NAMPT: variants seen among roughly 807,000 people sequenced by gnomAD.
The protein encoded by NAMPT is NAmPRTase.
A neutral mutation model predicts 58.7 loss-of-function variants in NAMPT; 7 were observed. That is an observed-to-expected ratio of 0.12 (90% confidence interval 0.07 to 0.22). The LOEUF (loss-of-function observed/expected upper bound fraction) is 0.22. Ranked by LOEUF, NAMPT falls within the 10% of genes least tolerant of loss-of-function variation. NAMPT has a pLI of 1.00. For missense variants in NAMPT, 271 were observed against 567.9 expected, an observed-to-expected ratio of 0.48 and a Z score of 5.31; for synonymous variants, 145 against 198.1, an observed-to-expected ratio of 0.73 and a Z score of 2.25.
chr7:106,260,842 A>T (rs752435947), intron 8 of NAMPT, among the ~76,000 whole-genome samples: 1 of 152,240 alleles, frequency 6.6e-6, no homozygotes, highest in African/African-American at 2.4e-5. Context: ...GTATTTATCA[A>T]TTAAGTTCAC....
chr7:106,256,655 A>G (rs1355958868), intron 8 of NAMPT, among the ~76,000 whole-genome samples: 1 of 152,224 alleles, frequency 6.6e-6, no homozygotes, highest in Non-Finnish European at 1.5e-5. Flanking sequence ...TTACTATAAA[A>G]TAGGTTTTGT....
At chr7:106,251,532 G>A (rs905249560) in intron 10 of NAMPT, among the ~76,000 whole-genome samples, 1 of 151,988 alleles carries the variant, frequency 6.6e-6, no homozygotes, top group East Asian at 1.9e-4. Flanking sequence ...TGCCTAGGGA[G>A]AACTGTAATC....
At chr7:106,271,966 A>T (rs1338418297) in intron 4 of NAMPT, 1 of 219,752 alleles carries the variant, frequency 4.6e-6, no homozygotes, top group African/African-American at 2.4e-5. Context: ...TACATACAAG[A>T]AAAACAAAAA....
rs1294875803 is a variant in NAMPT, at chr7:106,249,873, A to C, written c.*1210T>G. On this transcript the variant is annotated 3_prime_UTR_variant, in exon 11 of 11. Transcript: ENST00000222553. ...ATGTATGATTCAGAATCTAGTAGCT[A>C]ATCACTCTAGAACATTTTGATGTCA... The C allele has an allele frequency of 2.0e-5, 3 of 152,048 alleles. No homozygotes were observed. Among genetic ancestry groups the C allele is most frequent in the African/African-American group, 7.2e-5 (3 of 41,424 alleles). The allele number at this position is 152,048 out of a possible 1,614,324, so 9.4% of individuals were successfully genotyped here.
At chr7:106,276,318 T>C in intron 2 of NAMPT, 1 of 152,128 alleles carries the variant, frequency 6.6e-6, no homozygotes. Context: ...AGCACAGAAA[T>C]TGGGGGATTT....
chr7:106,272,894 G>A (rs1356666320), intron 3 of NAMPT, among the ~76,000 whole-genome samples: 1 of 152,108 alleles, frequency 6.6e-6, no homozygotes, highest in Non-Finnish European at 1.5e-5. Context: ...ACGTGCTTCT[G>A]CTAAGAACAT....
chr7:106,280,757 T>C (rs1424234797), intron 1 of NAMPT, among the ~76,000 whole-genome samples: 2 of 151,886 alleles, frequency 1.3e-5, no homozygotes, highest in South Asian at 2.1e-4. Context: ...CTGGCTAACA[T>C]GGTGAAACCC....
chr7:106,257,569 T>C (rs1488789728), intron 8 of NAMPT, among the ~76,000 whole-genome samples: 1 of 150,818 alleles, frequency 6.6e-6, no homozygotes. Flanking sequence ...AGGTTGAGGC[T>C]GCAGTGAGCT....
At chr7:106,274,480 A>G (rs1337195509) in intron 3 of NAMPT, among the ~76,000 whole-genome samples, 1 of 152,178 alleles carries the variant, frequency 6.6e-6, no homozygotes, top group Non-Finnish European at 1.5e-5. Flanking sequence ...ATAACTTTTC[A>G]AAAGGATATA....
chr7:106,283,463 TTTTAGA>T (rs1792803741), intron 1 of NAMPT, among the ~76,000 whole-genome samples: 1 of 152,194 alleles, frequency 6.6e-6, no homozygotes, highest in African/African-American at 2.4e-5. Flanking sequence ...CTGACAGTTA[TTTTAGA>T]TTTAGTTAAG....
intron 3 of NAMPT, 116 bp downstream of exon 3, chr7:106,274,830 G>A: frequency 1.5e-6 from 1 of 659,292 alleles, no homozygotes; most frequent in Admixed American, 2.7e-5. Flanking sequence ...ACTCCAGCCT[G>A]GGTGACAGAG....
chr7:106,278,976 T>G (rs1049156034), intron 1 of NAMPT, among the ~76,000 whole-genome samples: 1 of 152,192 alleles, frequency 6.6e-6, no homozygotes, highest in African/African-American at 2.4e-5. Flanking sequence ...AGGCAAGTTA[T>G]TTTCTTTTTC....
Position 106,253,079 on chromosome 7 carries a change from T to A in NAMPT, c.1303A>T (p.Thr435Ser). The change falls in exon 10 of 11, where the codon ACG becomes TCG. Residue 435 changes from threonine to serine, a missense_variant. Coordinates refer to ENST00000222553, the MANE Select transcript of NAMPT (RefSeq NM_005746.3). Reference sequence around the variant, plus strand: ...AGTGTAACAAAATTCCCTGCTGGCGTCCTATGTAAAGATAATCGGCCCTTT... The same window carrying A: ...AGTGTAACAAAATTCCCTGCTGGCGACCTATGTAAAGATAATCGGCCCTTT... ...SKKGRLSLHR[T>S]PAGNFVTLEE... The A allele has an allele frequency of 6.2e-7, 1 of 1,613,438 alleles. No homozygotes were observed. Among genetic ancestry groups the A allele is most frequent in the Non-Finnish European group, 8.5e-7 (1 of 1,179,538 alleles).
intron 2 of NAMPT, 129 bp from the exon 3 acceptor site, chr7:106,275,178 A>G (rs1241778218): frequency 3.7e-6 from 2 of 538,836 alleles, no homozygotes; most frequent in African/African-American, 1.9e-5. Context: ...AAGAGGTTAA[A>G]TGCTCACCCA....
chr7:106,260,785 G>C (rs1162749830), intron 8 of NAMPT, among the ~76,000 whole-genome samples: 1 of 152,166 alleles, frequency 6.6e-6, no homozygotes, highest in Non-Finnish European at 1.5e-5. Context: ...CTTGAAGTGA[G>C]CAGAGAAAGG....
intron 8 of NAMPT, among the ~76,000 whole-genome samples, chr7:106,257,909 C>A (rs74523234): frequency 7.2e-6 from 1 of 139,712 alleles, no homozygotes; most frequent in Admixed American, 7.4e-5. Context: ...GTGTGTGTGT[C>A]TGTGTATACA....
chr7:106,273,460 A>C (rs1344209592), intron 3 of NAMPT, among the ~76,000 whole-genome samples: 4 of 152,314 alleles, frequency 2.6e-5, no homozygotes, highest in Admixed American at 2.0e-4. Context: ...CAAGCACTGG[A>C]GGCACAGTGT....
At chr7:106,254,000 T>G (rs1389605175) in intron 9 of NAMPT, among the ~76,000 whole-genome samples, 2 of 152,180 alleles carry the variant, frequency 1.3e-5, no homozygotes, top group African/African-American at 4.8e-5. Context: ...TGTAACAGTT[T>G]GGTCAGTGAT....
intron 1 of NAMPT, among the ~76,000 whole-genome samples, chr7:106,278,260 A>G (rs1347742521): frequency 2.0e-5 from 3 of 152,196 alleles, no homozygotes; most frequent in African/African-American, 4.8e-5. Flanking sequence ...TAAGATGAAT[A>G]TATTTCCATT....
Sources: allele counts gnomAD v4.1 joint callset (sites outside exome capture counted in the v4.1 genomes callset), GRCh38; gene constraint gnomAD v4.1.1; transcripts MANE v1.5; gene names NCBI Gene and HGNC (gene_info 2026-07-23, HGNC 2026-07-21).